PIK3R3: variants seen among roughly 807,000 people sequenced by gnomAD.
PIK3R3 encodes the protein phosphatidylinositol 3-kinase regulatory subunit gamma.
In PIK3R3, 64 loss-of-function variants were observed where a neutral mutation model predicts 62.9. That is an observed-to-expected ratio of 1.02 (90% CI 0.83 to 1.25). PIK3R3 has a LOEUF of 1.25. Among genes scored for constraint, PIK3R3 ranks in the 50% most tolerant of loss-of-function variants. The pLI is 0.00. For synonymous variants in PIK3R3, 165 were observed against 189.0 expected (o/e 0.87, Z 1.04); for missense variants, 614 against 561.6 (o/e 1.09, Z -0.94).
chr1:46,063,628 C>T (rs181225418), intron 5 of PIK3R3, among the ~76,000 whole-genome samples: 3 of 152,228 alleles, frequency 2.0e-5, no homozygotes, highest in Admixed American at 2.0e-4. Flanking sequence ...TCAGCACCTC[C>T]CCCATCAACA....
the PIK3R3 span, among the ~76,000 whole-genome samples, chr1:46,152,853 C>T: frequency 2.6e-5 from 4 of 152,170 alleles, no homozygotes; most frequent in Admixed American, 1.3e-4. Flanking sequence ...TGAGCCACCG[C>T]GCCCAGCCTG....
chr1:46,061,993 C>T lies in PIK3R3; in HGVS notation c.700G>A (p.Glu234Lys), dbSNP rs776150263. ...TCAATATATTCTTTGCTATGTTGTT[C>T]TTGTGTGTGACACTGCTCTTCAAAT... ...KIFEEQCHTQ[E>K]QHSKEYIERF... The change falls in exon 6 of 10, where the codon GAA (glutamate) becomes AAA (lysine). Residue 234 changes from glutamate to lysine, a missense_variant. Coordinates refer to ENST00000262741, the MANE Select transcript of PIK3R3 (RefSeq NM_003629.4). The T allele has an allele frequency of 1.2e-6, 2 of 1,612,498 alleles. No homozygotes were observed. Among genetic ancestry groups the T allele is most frequent in the South Asian group, 1.1e-5 (1 of 91,018 alleles).
intron 1 of PIK3R3, among the ~76,000 whole-genome samples, chr1:46,103,973 TG>T (rs1324994743): frequency 6.6e-6 from 1 of 152,060 alleles, no homozygotes; most frequent in Non-Finnish European, 1.5e-5. Flanking sequence ...TTGCCCAAGC[TG>T]GGGTGAAGTG....
At chr1:46,119,997 G>T (rs1403003596) in intron 1 of PIK3R3, among the ~76,000 whole-genome samples, 2 of 151,918 alleles carry the variant, frequency 1.3e-5, no homozygotes, top group African/African-American at 4.8e-5. Flanking sequence ...AGTCTGGACG[G>T]CTCCTAATTT....
chr1:46,168,920 A>G, the PIK3R3 span, among the ~76,000 whole-genome samples: 469 of 152,046 alleles, frequency 3.1e-3, 1 homozygote, highest in Admixed American at 5.3e-3. Context: ...GTTCAGGACC[A>G]TTCCACTCTC....
chr1:46,164,195 A>T, the PIK3R3 span, among the ~76,000 whole-genome samples: 1 of 152,146 alleles, frequency 6.6e-6, no homozygotes, highest in African/African-American at 2.4e-5. Flanking sequence ...ACTGAACTCA[A>T]GCCTCCTGCC....
At chr1:46,164,307 C>T in the PIK3R3 span, among the ~76,000 whole-genome samples, 2 of 152,162 alleles carry the variant, frequency 1.3e-5, no homozygotes, top group East Asian at 3.8e-4. Flanking sequence ...TCACTCAATT[C>T]CCATTCAATT....
intron 1 of PIK3R3, among the ~76,000 whole-genome samples, chr1:46,122,366 A>C (rs1654749889): frequency 6.6e-6 from 1 of 152,026 alleles, no homozygotes; most frequent in Admixed American, 6.6e-5. Flanking sequence ...ACTGTGAAAA[A>C]CTTACTACTC....
intron 1 of PIK3R3, among the ~76,000 whole-genome samples, chr1:46,105,437 G>A (rs768607262): frequency 8.6e-5 from 13 of 151,968 alleles, no homozygotes; most frequent in South Asian, 2.1e-4. Context: ...CCAGGAAGCG[G>A]AGGTTACGGT....
At chr1:46,168,364 T>C in the PIK3R3 span, among the ~76,000 whole-genome samples, 4 of 152,180 alleles carry the variant, frequency 2.6e-5, no homozygotes, top group African/African-American at 9.7e-5. Flanking sequence ...CCACGACTGA[T>C]TCAGTTCTGT....
At chr1:46,128,877 T>C (rs1474647143) in intron 1 of PIK3R3, among the ~76,000 whole-genome samples, 1 of 152,128 alleles carries the variant, frequency 6.6e-6, no homozygotes, top group Non-Finnish European at 1.5e-5. Context: ...GGTCAGGAGT[T>C]CGATATCAGC....
At chr1:46,105,666 G>C (rs1000611510) in intron 1 of PIK3R3, among the ~76,000 whole-genome samples, 4 of 151,110 alleles carry the variant, frequency 2.6e-5, no homozygotes, top group African/African-American at 9.7e-5. Flanking sequence ...ACTAAAGATA[G>C]AAAAATCAGT....
intron 3 of PIK3R3, among the ~76,000 whole-genome samples, chr1:46,069,637 A>G (rs867938412): frequency 6.6e-6 from 1 of 152,208 alleles, no homozygotes; most frequent in African/African-American, 2.4e-5. Context: ...TAAAGAATCT[A>G]AAGTTCAGGA....
chr1:46,075,489 G>A (rs1242215844), intron 3 of PIK3R3, among the ~76,000 whole-genome samples: 1 of 152,114 alleles, frequency 6.6e-6, no homozygotes, highest in African/African-American at 2.4e-5. Flanking sequence ...GGGTGTGGTG[G>A]CATGCGCCTT....
the PIK3R3 span, among the ~76,000 whole-genome samples, chr1:46,159,249 G>A: frequency 3.1e-4 from 47 of 151,922 alleles, no homozygotes; most frequent in African/African-American, 1.0e-3. Flanking sequence ...TTTATTTTCA[G>A]TCTCTTTCCA....
intron 3 of PIK3R3, among the ~76,000 whole-genome samples, chr1:46,069,272 C>A (rs1649280099): frequency 1.3e-5 from 2 of 152,152 alleles, no homozygotes; most frequent in Admixed American, 1.3e-4. Flanking sequence ...GTAATCCCAG[C>A]ACTTTGGGAG....
chr1:46,051,831 C>A (rs1353100202), intron 7 of PIK3R3, among the ~76,000 whole-genome samples: 1 of 152,104 alleles, frequency 6.6e-6, no homozygotes, highest in Non-Finnish European at 1.5e-5. Context: ...CACATACATA[C>A]CTGTGATCAT....
chr1:46,080,945 GTTTT>G (rs753261370), intron 1 of PIK3R3, among the ~76,000 whole-genome samples, 195 bp from the exon 2 acceptor site: 2 of 151,966 alleles, frequency 1.3e-5, no homozygotes, highest in Non-Finnish European at 2.9e-5. Context: ...CAAGATATTT[GTTTT>G]TTTCCTTCTT....
chr1:46,043,562 A>G lies in PIK3R3; in HGVS notation c.*111T>C. The stretch of plus-strand genomic sequence containing the variant: ...GGCCTCTCCACTTCACATTCACAAA[A>G]TCACTTCTTGTGCAAAACAAGCAGT... On this transcript the variant is annotated 3_prime_UTR_variant, in exon 10 of 10. Coordinates refer to ENST00000262741, the MANE Select transcript of PIK3R3 (RefSeq NM_003629.4). The G allele has an allele frequency of 1.0e-6, 1 of 981,084 alleles. No individual in the cohort carries two copies. Among genetic ancestry groups the G allele is most frequent in the South Asian group, 1.6e-5 (1 of 63,508 alleles). The allele number at this position is 981,084 out of a possible 1,614,324, so 60.8% of individuals were successfully genotyped here.
Sources: gnomAD v4.1 joint callset for allele counts (sites outside exome capture counted in the v4.1 genomes callset) on GRCh38, gnomAD v4.1.1 for gene constraint, MANE v1.5 for transcripts, NCBI Gene and HGNC (gene_info 2026-07-23, HGNC 2026-07-21) for gene names.